Variants in RBFOX1 observed in about 807,000 individuals in gnomAD.
RBFOX1 encodes RNA binding protein fox-1 homolog 1.
A neutral mutation model predicts 57.7 loss-of-function variants in RBFOX1; 8 were observed. The observed-to-expected ratio is 0.14, with a 90% confidence interval of 0.08 to 0.25. The LOEUF is 0.25. Among genes scored for constraint, RBFOX1 ranks in the 10% least tolerant of loss-of-function variants. The pLI is 1.00. For synonymous variants in RBFOX1, 326 were observed against 222.4 expected (o/e 1.47, Z -4.15); for missense variants, 611 against 548.5 (o/e 1.11, Z -1.14).
At chr16:7,298,839 T>TGAG (rs957604961) in intron 4 of RBFOX1, among the ~76,000 whole-genome samples, 4 of 151,972 alleles carry the variant, frequency 2.6e-5, no homozygotes, top group South Asian at 2.1e-4. Flanking sequence ...TGAGGTAGGC[T>TGAG]GAGGAGGAGG....
chr16:5,747,713 G>C (rs4421985), intron 3 of RBFOX1, among the ~76,000 whole-genome samples: 10 of 152,054 alleles, frequency 6.6e-5, no homozygotes, highest in African/African-American at 1.4e-4. Context: ...TGTGGGATTC[G>C]TGGTGATATC....
chr16:5,833,309 C>T (rs538540658), intron 3 of RBFOX1, among the ~76,000 whole-genome samples: 197 of 151,952 alleles, frequency 1.3e-3, no homozygotes, highest in African/African-American at 4.6e-3. Flanking sequence ...CTGGCTAACA[C>T]GGTGAAACCC....
At chr16:6,185,550 T>C (rs1398394200) in intron 1 of RBFOX1, among the ~76,000 whole-genome samples, 1 of 152,192 alleles carries the variant, frequency 6.6e-6, no homozygotes, top group East Asian at 1.9e-4. Context: ...TTGTTCACGA[T>C]GAAATCGTGT....
intron 3 of RBFOX1, among the ~76,000 whole-genome samples, chr16:6,848,980 G>T (rs1403266784): frequency 6.6e-6 from 1 of 152,162 alleles, no homozygotes; most frequent in Admixed American, 6.5e-5. Flanking sequence ...CTAGCAACTT[G>T]CCTGTCCTGA....
intron 2 of RBFOX1, among the ~76,000 whole-genome samples, chr16:6,386,013 G>A (rs566494857): frequency 1.3e-5 from 2 of 150,590 alleles, no homozygotes; most frequent in East Asian, 2.0e-4. Flanking sequence ...TCGGCTCACT[G>A]CAAGCTCCGC....
At chr16:6,964,157 A>G (rs1468871239) in intron 3 of RBFOX1, among the ~76,000 whole-genome samples, 1 of 152,064 alleles carries the variant, frequency 6.6e-6, no homozygotes, top group East Asian at 1.9e-4. Context: ...AGGTGAGATT[A>G]CAGGCATGTG....
At chr16:5,593,863 G>C (rs963832275) in intron 2 of RBFOX1, among the ~76,000 whole-genome samples, 1 of 152,026 alleles carries the variant, frequency 6.6e-6, no homozygotes, top group African/African-American at 2.4e-5. Context: ...AAGAACCCTC[G>C]TTTGGGGTCT....
At chr16:6,489,066 T>A (rs1055351220) in intron 2 of RBFOX1, among the ~76,000 whole-genome samples, 1 of 152,212 alleles carries the variant, frequency 6.6e-6, no homozygotes, top group African/African-American at 2.4e-5. Context: ...GGAACATCTT[T>A]CTTTATAAAT....
chr16:6,494,316 T>C (rs982084607), intron 2 of RBFOX1, among the ~76,000 whole-genome samples: 1 of 152,182 alleles, frequency 6.6e-6, no homozygotes, highest in Non-Finnish European at 1.5e-5. Flanking sequence ...ACAGGTAAGG[T>C]ACTGAGCAGT....
At chr16:5,850,248 T>G (rs1195998203) in intron 3 of RBFOX1, among the ~76,000 whole-genome samples, 1 of 151,982 alleles carries the variant, frequency 6.6e-6, no homozygotes, top group Admixed American at 6.6e-5. Flanking sequence ...GAAAAGTGAG[T>G]GAGTCTGAAA....
chr16:5,633,158 C>A (rs893064497), intron 3 of RBFOX1, among the ~76,000 whole-genome samples: 1 of 151,940 alleles, frequency 6.6e-6, no homozygotes, highest in Non-Finnish European at 1.5e-5. Flanking sequence ...AGGCTGGTCT[C>A]GAACTCCTGA....
chr16:5,262,901 G>C (rs1461253469), intron 1 of RBFOX1, among the ~76,000 whole-genome samples: 1 of 152,184 alleles, frequency 6.6e-6, no homozygotes, highest in Non-Finnish European at 1.5e-5. Context: ...CTCCACTGAA[G>C]GGGGCATCAA....
chr16:5,349,104 C>T (rs1293032378), intron 1 of RBFOX1, among the ~76,000 whole-genome samples: 1 of 152,222 alleles, frequency 6.6e-6, no homozygotes, highest in Admixed American at 6.5e-5. Flanking sequence ...AGTATTATTC[C>T]GCCTTAAAAA....
At chr16:7,572,417 T>C (rs1362890823) in intron 5 of RBFOX1, among the ~76,000 whole-genome samples, 1 of 152,174 alleles carries the variant, frequency 6.6e-6, no homozygotes, top group Non-Finnish European at 1.5e-5. Flanking sequence ...CAGTTTTGCC[T>C]CCCAGGAGAC....
intron 3 of RBFOX1, among the ~76,000 whole-genome samples, chr16:6,965,375 G>A (rs2345827): frequency 6.6e-6 from 1 of 151,364 alleles, no homozygotes; most frequent in Non-Finnish European, 1.5e-5. Flanking sequence ...TGGAGTCTTG[G>A]TCTGTTTCCC....
chr16:7,137,193 C>T (rs1026263515), intron 4 of RBFOX1, among the ~76,000 whole-genome samples: 2 of 152,198 alleles, frequency 1.3e-5, no homozygotes, highest in Admixed American at 6.5e-5. Context: ...CTTTACTGAG[C>T]TAGCTGGACT....
chr16:7,292,468 A>G (rs1485399437), intron 4 of RBFOX1, among the ~76,000 whole-genome samples: 1 of 144,378 alleles, frequency 6.9e-6, no homozygotes, highest in East Asian at 2.0e-4. Context: ...TATATATAAT[A>G]TATAATGTAT....
chr16:7,227,321 T>A (rs957812754), intron 4 of RBFOX1, among the ~76,000 whole-genome samples: 10 of 124,392 alleles, frequency 8.0e-5, no homozygotes, highest in South Asian at 3.0e-4. Flanking sequence ...AAGGGAGGAA[T>A]TTGCGTTTGC....
intron 1 of RBFOX1, among the ~76,000 whole-genome samples, chr16:5,439,077 G>A (rs2068004551): frequency 6.6e-6 from 1 of 151,962 alleles, no homozygotes; most frequent in South Asian, 2.1e-4. Context: ...CTTTTCTGGG[G>A]AGATAACATT....
Sources: allele counts gnomAD v4.1 joint callset (sites outside exome capture counted in the v4.1 genomes callset), GRCh38; gene constraint gnomAD v4.1.1; transcripts MANE v1.5; gene names NCBI Gene and HGNC (gene_info 2026-07-23, HGNC 2026-07-21).